The following DCLK1 variants were observed in gnomAD, a reference collection of about 807,000 sequenced individuals.
DCLK1 encodes serine/threonine-protein kinase DCLK1.
In DCLK1, 16 loss-of-function variants were observed where a neutral mutation model predicts 86.2. The ratio of observed to expected loss-of-function variants is 0.19; its 90% CI spans 0.13 to 0.28. DCLK1 has a LOEUF of 0.28. Ranked by LOEUF, DCLK1 falls within the 10% of genes least tolerant of loss-of-function variation. The pLI is 1.00. For missense variants in DCLK1, 590 were observed against 940.2 expected, an observed-to-expected ratio of 0.63 and a Z score of 4.87; for synonymous variants, 369 against 370.5, an observed-to-expected ratio of 1.00 and a Z score of 0.05.
In DCLK1 at chr13:35,808,284, A is replaced by T; in HGVS notation, c.1803T>A (p.Ile601=). The T allele has an allele frequency of 6.2e-7, 1 of 1,614,088 alleles. No homozygotes were observed. The highest frequency in any genetic ancestry group is 1.1e-5 in the South Asian group (1 of 91,092). ...AAGGAAAGTCCACCTGCCCCATCAA[A>T]ATCTGATCAAAAAGCACCTCCTGGT... ...GDDQEVLFDQ[I]LMGQVDFPSP... The change falls in exon 14 of 17, where the codon ATT becomes ATA. Residue 601 remains isoleucine (I), a synonymous_variant. Transcript: ENST00000360631.
At position 36,037,367 on chromosome 13, in the gene DCLK1, C is replaced by T. The variant is rs895063865; in HGVS notation, c.723+74502G>A. Among the ~76,000 whole-genome samples, 4 of 152,174 alleles carry T rather than the reference C, an allele frequency of 2.6e-5. No homozygotes were observed. The East Asian group carries it at 7.7e-4, about 29-fold the overall frequency. ...GAGTATAGTTAACAATAACATATTA[C>T]ATATTTAAAAATAGAAGAGAATTTT... is the stretch of plus-strand genomic sequence containing the variant. On this transcript the variant is annotated intron_variant, in intron 3 of 16. Coordinates refer to ENST00000360631, the MANE Select transcript of DCLK1 (RefSeq NM_001330071.2).
chr13:35,807,422 T>C (rs951520835), intron 14 of DCLK1, among the ~76,000 whole-genome samples: 3 of 152,212 alleles, frequency 2.0e-5, no homozygotes, highest in Non-Finnish European at 4.4e-5. Context: ...TTATTCAAGG[T>C]TCAACTTAAA....
intron 8 of DCLK1, among the ~76,000 whole-genome samples, chr13:35,831,985 C>A (rs1868999989): frequency 6.6e-6 from 1 of 152,116 alleles, no homozygotes; most frequent in African/African-American, 2.4e-5. Context: ...GGGAGTGTAG[C>A]AGAATGCTTG....
chr13:36,021,520 A>C (rs571743578), intron 3 of DCLK1, among the ~76,000 whole-genome samples: 2 of 152,188 alleles, frequency 1.3e-5, no homozygotes, highest in East Asian at 3.9e-4. Context: ...TTTAGATTCA[A>C]AGATACAAGT....
intron 2 of DCLK1, among the ~76,000 whole-genome samples, chr13:36,124,093 A>T (rs562877877): frequency 6.6e-6 from 1 of 152,284 alleles, no homozygotes; most frequent in South Asian, 2.1e-4. Flanking sequence ...CTGTCTTAGG[A>T]TGTGCTTTGA....
rs1878228812 is a variant in DCLK1, at chr13:35,958,261, C to CCACCACCACCACCAGT, written c.724-10805_724-10804insACTGGTGGTGGTGGTG. The stretch of plus-strand genomic sequence containing the variant: ...ATCATCACCACCACCACTACCACTA[C>CCACCACCACCACCAGT]TATAACCATTACCACCATCACTGCC... On this transcript the variant is annotated intron_variant, in intron 3 of 16. Transcript: ENST00000360631. Among the ~76,000 whole-genome samples the CCACCACCACCACCAGT allele has an allele frequency of 8.8e-5, 3 of 34,092 alleles. 1 individual carries two copies. Among genetic ancestry groups the CCACCACCACCACCAGT allele is most frequent in the Non-Finnish European group, 2.2e-4 (3 of 13,430 alleles). The allele number at this position is 34,092 out of a possible 152,430, so 22.4% of individuals were successfully genotyped here.
At chr13:36,068,142 T>A (rs1020913764) in intron 3 of DCLK1, among the ~76,000 whole-genome samples, 5 of 152,142 alleles carry the variant, frequency 3.3e-5, no homozygotes, top group Non-Finnish European at 5.9e-5. Context: ...TCCTGAAAAT[T>A]TACGGTTATC....
At chr13:35,776,994 C>G (rs2086434648) in intron 16 of DCLK1, among the ~76,000 whole-genome samples, 1 of 152,180 alleles carries the variant, frequency 6.6e-6, no homozygotes, top group African/African-American at 2.4e-5. Flanking sequence ...TTCTGCAAAT[C>G]CTTGTAAGAA....
intron 6 of DCLK1, among the ~76,000 whole-genome samples, chr13:35,840,513 C>T (rs1205679938): frequency 6.6e-6 from 1 of 152,298 alleles, no homozygotes; most frequent in East Asian, 1.9e-4. Context: ...CAATAGTACA[C>T]CTGCTTTTCT....
At chr13:35,805,544 C>A in intron 15 of DCLK1, 155 bp downstream of exon 15, 3 of 651,716 alleles carry the variant, frequency 4.6e-6, no homozygotes, top group Middle Eastern at 5.4e-4. Context: ...GGCAATCCAC[C>A]CACCTCGGCC....
intron 11 of DCLK1, among the ~76,000 whole-genome samples, chr13:35,815,019 G>A (rs1237249769): frequency 1.3e-5 from 2 of 152,052 alleles, no homozygotes; most frequent in East Asian, 3.9e-4. Flanking sequence ...TTATGAAAAA[G>A]GTTCCAATTA....
rs146798695 is a variant in DCLK1 at position 36,055,034 on chromosome 13, A to T, written c.723+56835T>A. ...TGCAGTAGGAGTTATGAGAAGGAGC[A>T]GATCTGAAAAACAGCAAGAGACAGA... On this transcript the variant is annotated intron_variant, in intron 3 of 16. Transcript: ENST00000360631. Among the ~76,000 whole-genome samples, 8 of 152,328 alleles carry T rather than the reference A, an allele frequency of 5.3e-5. No homozygotes were observed. In the East Asian group the frequency reaches 1.5e-3, roughly 29 times the overall value.
intron 3 of DCLK1, 66 bp from the exon 4 acceptor site, chr13:35,947,523 C>T (rs778461756): frequency 7.4e-5 from 98 of 1,323,968 alleles, no homozygotes; most frequent in Admixed American, 2.1e-4. Flanking sequence ...TGCAACCCCA[C>T]GAGCAGACAT....
intron 2 of DCLK1, among the ~76,000 whole-genome samples, chr13:36,116,926 G>C (rs760466423): frequency 6.6e-6 from 1 of 152,170 alleles, no homozygotes; most frequent in Non-Finnish European, 1.5e-5. Flanking sequence ...ACTCAGATAC[G>C]CACAGCAACA....
intron 3 of DCLK1, among the ~76,000 whole-genome samples, chr13:35,997,812 G>A (rs1880536853): frequency 6.6e-6 from 1 of 152,208 alleles, no homozygotes; most frequent in Non-Finnish European, 1.5e-5. Flanking sequence ...ATACAGAAAT[G>A]TTTTGACTAA....
intron 4 of DCLK1, among the ~76,000 whole-genome samples, chr13:35,928,319 C>T (rs965974895): frequency 1.1e-4 from 16 of 152,174 alleles, no homozygotes; most frequent in Non-Finnish European, 1.9e-4. Flanking sequence ...CCTGCCACTA[C>T]TGAGCTGTGC....
At chr13:36,116,733 G>A (rs1284514743) in intron 2 of DCLK1, among the ~76,000 whole-genome samples, 1 of 152,114 alleles carries the variant, frequency 6.6e-6, no homozygotes, top group Non-Finnish European at 1.5e-5. Context: ...TTTTCCAGAG[G>A]ATAAACTTTC....
chr13:35,850,220 A>G (rs1269760424), intron 6 of DCLK1: 21 of 983,442 alleles, frequency 2.1e-5, no homozygotes, highest in Non-Finnish European at 2.4e-5. Context: ...TTTTGTAATA[A>G]AAGTACCTCT....
intron 3 of DCLK1, among the ~76,000 whole-genome samples, chr13:36,054,035 A>C (rs1476524128): frequency 6.6e-6 from 1 of 152,334 alleles, no homozygotes. Context: ...TACATGTCTG[A>C]TGACAGCTTT....
Sources: gnomAD v4.1 joint callset for allele counts (sites outside exome capture counted in the v4.1 genomes callset) on GRCh38, gnomAD v4.1.1 for gene constraint, MANE v1.5 for transcripts, NCBI Gene and HGNC (gene_info 2026-07-23, HGNC 2026-07-21) for gene names.